Variants in SPOCK1 observed in about 807,000 individuals in gnomAD.
The protein encoded by SPOCK1 is testican-1.
Under a neutral mutation model 55.3 loss-of-function variants are expected in SPOCK1, and 23 were observed. That is an observed-to-expected ratio of 0.42 (90% confidence interval 0.30 to 0.59). SPOCK1 has a LOEUF of 0.59. SPOCK1 is among the 20% of genes least tolerant of loss of function. The probability of loss-of-function intolerance (pLI) is 0.22; values close to 1 mark genes in which losing one functional copy is unlikely to be tolerated. For synonymous variants in SPOCK1, 226 were observed against 221.0 expected (o/e 1.02, Z -0.20); for missense variants, 499 against 552.5 (o/e 0.90, Z 0.97).
At chr5:137,149,287 T>C (rs1019357881) in intron 3 of SPOCK1, among the ~76,000 whole-genome samples, 3 of 152,164 alleles carry the variant, frequency 2.0e-5, no homozygotes, top group East Asian at 3.9e-4. Context: ...GAGCTGAGAA[T>C]GGCCTGGCCT....
At chr5:137,277,171 T>A (rs1055462569) in intron 2 of SPOCK1, among the ~76,000 whole-genome samples, 1 of 152,034 alleles carries the variant, frequency 6.6e-6, no homozygotes, top group African/African-American at 2.4e-5. Context: ...TACACCACCA[T>A]GCCCAGCTAA....
chr5:137,146,519 T>A (rs553054398), intron 3 of SPOCK1, among the ~76,000 whole-genome samples: 1 of 152,184 alleles, frequency 6.6e-6, no homozygotes, highest in South Asian at 2.1e-4. Context: ...CTCCCAGTGA[T>A]TCATTAGGAG....
intron 6 of SPOCK1, among the ~76,000 whole-genome samples, chr5:137,062,554 A>ATAATAG (rs1752414411): frequency 6.7e-6 from 1 of 149,130 alleles, no homozygotes; most frequent in Non-Finnish European, 1.5e-5. Flanking sequence ...AATAATAATA[A>ATAATAG]TAATAAAGAC....
In SPOCK1 at chr5:137,307,683, G is replaced by A. The variant is rs192271350; in HGVS notation, c.187-40628C>T. ...TTTAGTCATTGGTGACCACTTCGGTGACTTAGAGAGCACATCATAAAAACT... is the reference window on the plus strand; with the variant it reads ...TTTAGTCATTGGTGACCACTTCGGTAACTTAGAGAGCACATCATAAAAACT... On this transcript the variant is annotated intron_variant, in intron 2 of 10. Coordinates refer to ENST00000394945, the MANE Select transcript of SPOCK1 (RefSeq NM_004598.4). Among the ~76,000 whole-genome samples the A allele has an allele frequency of 7.9e-4, 121 of 152,340 alleles. 1 individual carries two copies. The highest frequency in any genetic ancestry group is 2.3e-3 in the Admixed American group (35 of 15,312).
intron 5 of SPOCK1, among the ~76,000 whole-genome samples, chr5:137,107,479 C>T (rs1753391481): frequency 6.6e-6 from 1 of 152,174 alleles, no homozygotes. Context: ...CCCTGTAGTA[C>T]CCTTCTGTTC....
intron 2 of SPOCK1, among the ~76,000 whole-genome samples, chr5:137,389,552 A>T (rs1297250971): frequency 6.6e-6 from 1 of 152,242 alleles, no homozygotes. Flanking sequence ...GGCAAGAGCC[A>T]CTGTTCCTGA....
In SPOCK1 at chr5:137,232,456, T is replaced by C. The variant is rs78909488; in HGVS notation, c.232+34554A>G. On this transcript the variant is annotated intron_variant, in intron 3 of 10. Transcript: ENST00000394945. ...TATTGGAAAGGCTGTCTTTTCTCCC[T>C]TGAATTGCACCTTTGTCAAAAAGCA... is the stretch of plus-strand genomic sequence containing the variant. Among the ~76,000 whole-genome samples the C allele has an allele frequency of 4.7e-3, 718 of 152,314 alleles. 5 individuals carry two copies. Among genetic ancestry groups the C allele is most frequent in the African/African-American group, 0.015 (633 of 41,576 alleles).
chr5:137,277,030 T>C (rs1192349052), intron 2 of SPOCK1, among the ~76,000 whole-genome samples: 3 of 152,156 alleles, frequency 2.0e-5, no homozygotes, highest in Non-Finnish European at 2.9e-5. Context: ...ACATTTTTTT[T>C]TTAATAGACA....
At chr5:137,177,584 G>A (rs1754880129) in intron 3 of SPOCK1, among the ~76,000 whole-genome samples, 2 of 152,028 alleles carry the variant, frequency 1.3e-5, no homozygotes, top group Admixed American at 1.3e-4. Flanking sequence ...AGGAGGTTGG[G>A]GGGTGCTTGG....
rs34293195 is a variant in SPOCK1 at position 137,138,504 on chromosome 5, TAC to T, written c.347+2074_347+2075del. On this transcript the variant is annotated intron_variant, in intron 4 of 10. Transcript: ENST00000394945. ...ACTCTCCATCTTACACACACAAACA[TAC>T]ACACACACACACACACACACACCAC... Among the ~76,000 whole-genome samples the T allele has an allele frequency of 2.0e-3, 301 of 147,718 alleles. 2 individuals carry two copies. The highest frequency in any genetic ancestry group is 7.2e-3 in the African/African-American group (283 of 39,492).
chr5:137,424,377 T>C (rs990923330), intron 2 of SPOCK1, among the ~76,000 whole-genome samples: 5 of 152,190 alleles, frequency 3.3e-5, no homozygotes, highest in African/African-American at 1.2e-4. Flanking sequence ...CAGGACCTTA[T>C]TTCTAAAAAC....
At chr5:137,417,974 GC>G (rs577826988) in intron 2 of SPOCK1, among the ~76,000 whole-genome samples, 99 of 151,966 alleles carry the variant, frequency 6.5e-4, no homozygotes, top group Middle Eastern at 3.4e-3. Flanking sequence ...CCTACAACAG[GC>G]CCTGGTGTGT....
At position 136,992,304 on chromosome 5, in the gene SPOCK1, A is replaced by G. The variant is rs114009901; in HGVS notation, c.706+180T>C. Among the ~76,000 whole-genome samples, 513 of 152,224 alleles carry G rather than the reference A, an allele frequency of 3.4e-3. 3 individuals carry two copies. Among genetic ancestry groups the G allele is most frequent in the African/African-American group, 0.012 (485 of 41,540 alleles). On this transcript the variant is annotated intron_variant, in intron 7 of 10. Transcript: ENST00000394945. ...GGTCATTAAAATGGTGAGATCATATATTTTTTTCAAAATGCCTATACTAAA... is the reference window on the plus strand; with the variant it reads ...GGTCATTAAAATGGTGAGATCATATGTTTTTTTCAAAATGCCTATACTAAA...
chr5:137,009,055 C>T (rs1258350911), intron 6 of SPOCK1, among the ~76,000 whole-genome samples: 6 of 152,118 alleles, frequency 3.9e-5, no homozygotes, highest in Non-Finnish European at 7.4e-5. Context: ...CTTTTTACTT[C>T]GATAAGTCTA....
At chr5:137,178,101 C>T (rs961772578) in intron 3 of SPOCK1, among the ~76,000 whole-genome samples, 5 of 152,204 alleles carry the variant, frequency 3.3e-5, no homozygotes, top group African/African-American at 1.2e-4. Context: ...ATCTCACCAT[C>T]CAGATCAATG....
At chr5:137,146,295 G>GC (rs56189373) in intron 3 of SPOCK1, among the ~76,000 whole-genome samples, 135,938 of 151,766 alleles carry the variant, frequency 0.9, 60,960 homozygotes, top group African/African-American at 0.93. Flanking sequence ...GGAGGCACAA[G>GC]ATACCTGTTG....
intron 2 of SPOCK1, among the ~76,000 whole-genome samples, chr5:137,437,760 T>C (rs933791193): frequency 2.0e-5 from 3 of 152,260 alleles, no homozygotes; most frequent in Non-Finnish European, 2.9e-5. Context: ...TATTCTCTTC[T>C]AGCTCTTTTG....
At chr5:137,123,473 G>A (rs940680301) in intron 4 of SPOCK1, among the ~76,000 whole-genome samples, 1 of 152,112 alleles carries the variant, frequency 6.6e-6, no homozygotes, top group Non-Finnish European at 1.5e-5. Flanking sequence ...GCCACTTTGG[G>A]CAATACAGTT....
At chr5:137,228,117 C>A (rs959896607) in intron 3 of SPOCK1, among the ~76,000 whole-genome samples, 8 of 152,228 alleles carry the variant, frequency 5.3e-5, no homozygotes, top group Non-Finnish European at 5.9e-5. Context: ...ATCTGAGCAT[C>A]CCTGAATGAC....
Sources: allele counts gnomAD v4.1 joint callset (sites outside exome capture counted in the v4.1 genomes callset), GRCh38; gene constraint gnomAD v4.1.1; transcripts MANE v1.5; gene names NCBI Gene and HGNC (gene_info 2026-07-23, HGNC 2026-07-21).